PHACTR3: variants seen among roughly 807,000 people sequenced by gnomAD.
PHACTR3 encodes phosphatase and actin regulator 3.
In PHACTR3, 16 loss-of-function variants were observed where a neutral mutation model predicts 66.8. The observed-to-expected ratio is 0.24, with a 90% CI of 0.16 to 0.36. The LOEUF (loss-of-function observed/expected upper bound fraction) is 0.36, where lower values mean the gene tolerates loss of function less well. PHACTR3 is among the 10% of genes least tolerant of loss of function. The probability of loss-of-function intolerance (pLI) is 1.00; values close to 1 mark genes in which losing one functional copy is unlikely to be tolerated. For missense variants in PHACTR3, 647 were observed against 719.9 expected, an observed-to-expected ratio of 0.90 and a Z score of 1.16; for synonymous variants, 323 against 292.1, an observed-to-expected ratio of 1.11 and a Z score of -1.08.
chr20:59,671,645 A>G (rs1224794969), intron 1 of PHACTR3, among the ~76,000 whole-genome samples: 1 of 152,210 alleles, frequency 6.6e-6, no homozygotes, highest in East Asian at 1.9e-4. Context: ...ACTGCTGGCT[A>G]TTGCCAGGCT....
chr20:59,636,548 C>T (rs2034907304), intron 1 of PHACTR3, among the ~76,000 whole-genome samples: 1 of 152,126 alleles, frequency 6.6e-6, no homozygotes, highest in Non-Finnish European at 1.5e-5. Flanking sequence ...GGGAGATGGC[C>T]AGGAAGACCT....
intron 1 of PHACTR3, among the ~76,000 whole-genome samples, chr20:59,648,850 G>A (rs771722125): frequency 2.0e-4 from 30 of 152,188 alleles, no homozygotes; most frequent in Non-Finnish European, 4.4e-5. Flanking sequence ...AGTAGCCACA[G>A]GCAGCCTGTG....
intron 7 of PHACTR3, among the ~76,000 whole-genome samples, chr20:59,804,029 T>C (rs2041496673): frequency 6.6e-6 from 1 of 152,216 alleles, no homozygotes; most frequent in Non-Finnish European, 1.5e-5. Flanking sequence ...ATTCAATCAG[T>C]GGGTAGAAGG....
intron 1 of PHACTR3, among the ~76,000 whole-genome samples, chr20:59,626,070 A>T (rs555512704): frequency 3.3e-5 from 5 of 152,166 alleles, no homozygotes; most frequent in Non-Finnish European, 5.9e-5. Context: ...TCAGAGCCAG[A>T]AATATTATTT....
intron 1 of PHACTR3, among the ~76,000 whole-genome samples, chr20:59,706,180 C>T (rs1358508815): frequency 6.6e-6 from 1 of 152,228 alleles, no homozygotes; most frequent in Non-Finnish European, 1.5e-5. Context: ...CGAACTCAAA[C>T]TTTTCCCATA....
chr20:59,776,272 T>C (rs2040533009), intron 7 of PHACTR3, among the ~76,000 whole-genome samples: 1 of 152,148 alleles, frequency 6.6e-6, no homozygotes, highest in Non-Finnish European at 1.5e-5. Flanking sequence ...TATGACATCA[T>C]AGTCCTTATT....
At chr20:59,692,107 T>A (rs1163744160) in intron 1 of PHACTR3, among the ~76,000 whole-genome samples, 1 of 152,184 alleles carries the variant, frequency 6.6e-6, no homozygotes, top group East Asian at 1.9e-4. Context: ...TTTGTCTCCA[T>A]GGTCAAAGTC....
At chr20:59,751,218 C>A (rs895868051) in intron 3 of PHACTR3, among the ~76,000 whole-genome samples, 1 of 152,130 alleles carries the variant, frequency 6.6e-6, no homozygotes, top group African/African-American at 2.4e-5. Flanking sequence ...GGTTAAGGAA[C>A]CGGCTTCAGC....
chr20:59,726,053 C>T (rs1365320754), intron 1 of PHACTR3, among the ~76,000 whole-genome samples: 2 of 152,228 alleles, frequency 1.3e-5, no homozygotes, highest in Non-Finnish European at 2.9e-5. Flanking sequence ...GGGAGACGTG[C>T]TTCTGATGTC....
intron 1 of PHACTR3, among the ~76,000 whole-genome samples, chr20:59,681,741 C>T (rs190166077): frequency 2.0e-5 from 3 of 152,312 alleles, no homozygotes; most frequent in East Asian, 1.9e-4. Context: ...CCAGGCATGG[C>T]GGCTCACCCC....
chr20:59,822,356 G>A (rs1568856665), intron 8 of PHACTR3, among the ~76,000 whole-genome samples: 1 of 145,574 alleles, frequency 6.9e-6, no homozygotes, highest in Non-Finnish European at 1.5e-5. Flanking sequence ...TCCGCACTGG[G>A]CCTAGGATGG....
At chr20:59,808,942 C>T (rs949404541) in intron 8 of PHACTR3, among the ~76,000 whole-genome samples, 2 of 152,162 alleles carry the variant, frequency 1.3e-5, no homozygotes, top group African/African-American at 2.4e-5. Context: ...GTAGTACACC[C>T]TCCGCTTCTG....
chr20:59,836,438 C>A, intron 8 of PHACTR3, 67 bp from the exon 9 acceptor site: 1 of 1,506,702 alleles, frequency 6.6e-7, no homozygotes, highest in African/African-American at 1.4e-5. Context: ...CTCATCCTTG[C>A]AGACCCCAGG....
At chr20:59,708,865 C>T (rs1034977945) in intron 1 of PHACTR3, among the ~76,000 whole-genome samples, 1 of 152,200 alleles carries the variant, frequency 6.6e-6, no homozygotes, top group Non-Finnish European at 1.5e-5. Context: ...GTCAAATGAT[C>T]GCTACCCTGA....
intron 1 of PHACTR3, among the ~76,000 whole-genome samples, chr20:59,655,835 C>A (rs2035604078): frequency 1.3e-5 from 2 of 151,926 alleles, no homozygotes; most frequent in South Asian, 4.1e-4. Context: ...AATTTTGCTT[C>A]ATTGTTTCTT....
chr20:59,808,285 A>G (rs6128700), intron 8 of PHACTR3, among the ~76,000 whole-genome samples: 24,334 of 152,272 alleles, frequency 0.16, 3,585 homozygotes, highest in East Asian at 0.4. Flanking sequence ...AGAGCCACTG[A>G]GCAGGCATCG....
At chr20:59,837,659 A>G (rs1243605758) in intron 9 of PHACTR3, among the ~76,000 whole-genome samples, 1 of 152,254 alleles carries the variant, frequency 6.6e-6, no homozygotes, top group Non-Finnish European at 1.5e-5. Context: ...AAGTAGGCAG[A>G]CAGAAAAGTC....
In PHACTR3 at chr20:59,845,268, C is replaced by T; in HGVS notation, c.1664+3C>T. 2 of 1,597,118 alleles carry T rather than the reference C, an allele frequency of 1.3e-6. No homozygotes were observed. The highest frequency in any genetic ancestry group is 1.7e-6 in the Non-Finnish European group (2 of 1,166,124). ...GCATCAAGCAAGCACTTGACAAGGT[C>T]AGATTTGTTTCTGTGAATTTCATGG... On this transcript the variant is annotated splice_donor_region_variant and intron_variant, in intron 12 of 12. Transcript: ENST00000371015.
chr20:59,612,133 A>G (rs2033871443), intron 1 of PHACTR3, among the ~76,000 whole-genome samples: 2 of 152,158 alleles, frequency 1.3e-5, no homozygotes, highest in South Asian at 2.1e-4. Flanking sequence ...AGGCAAAAAG[A>G]AAAAGTTTGA....
Sources: gnomAD v4.1 joint callset for allele counts (sites outside exome capture counted in the v4.1 genomes callset) on GRCh38, gnomAD v4.1.1 for gene constraint, MANE v1.5 for transcripts, NCBI Gene and HGNC (gene_info 2026-07-23, HGNC 2026-07-21) for gene names.